The following LCOR variants were observed in gnomAD, a reference collection of about 807,000 sequenced individuals.
LCOR encodes the protein ligand dependent nuclear receptor corepressor, also known as ligand-dependent corepressor.
Under a neutral mutation model 64.4 loss-of-function variants are expected in LCOR, and 14 were observed. The observed-to-expected ratio is 0.22, with a 90% CI of 0.14 to 0.34. The LOEUF is 0.34. Among genes scored for constraint, LCOR ranks in the 10% least tolerant of loss-of-function variants. The pLI, the probability that LCOR is intolerant of heterozygous loss-of-function variation, is 1.00. For missense variants in LCOR, 1,686 were observed against 1,765.3 expected, an observed-to-expected ratio of 0.96 and a Z score of 0.80; for synonymous variants, 643 against 642.5, an observed-to-expected ratio of 1.00 and a Z score of -0.01.
intron 7 of LCOR, among the ~76,000 whole-genome samples, chr10:96,966,297 C>T (rs1847950526): frequency 7.6e-6 from 1 of 132,300 alleles, no homozygotes; most frequent in African/African-American, 2.9e-5. Flanking sequence ...GGCGCGATCT[C>T]GGCTCACTGC....
At chr10:96,879,065 G>C (rs1336045284) in intron 2 of LCOR, among the ~76,000 whole-genome samples, 1 of 152,182 alleles carries the variant, frequency 6.6e-6, no homozygotes, top group East Asian at 1.9e-4. Flanking sequence ...CAAAGTGCTG[G>C]GATTACAGTC....
chr10:96,861,486 C>T (rs1212553623), intron 2 of LCOR, among the ~76,000 whole-genome samples: 1 of 152,134 alleles, frequency 6.6e-6, no homozygotes, highest in Non-Finnish European at 1.5e-5. Context: ...TTTTCCCCCA[C>T]CAATAAGCAG....
intron 2 of LCOR, among the ~76,000 whole-genome samples, chr10:96,905,584 T>C (rs1272985533): frequency 1.3e-5 from 2 of 152,090 alleles, no homozygotes; most frequent in African/African-American, 2.4e-5. Context: ...CTCTTATCAC[T>C]ACCTCCCCAC....
At position 96,984,870 on chromosome 10, in the gene LCOR, C is replaced by T. The variant is rs201441664; in HGVS notation, c.4410C>T (p.Pro1470=). Residue 1470 remains proline (P), a synonymous_variant, in exon 8 of 8, where the codon CCC becomes CCT. Transcript: ENST00000421806. Reference sequence around the variant, plus strand: ...AGTCCGCTGGGAAGAGCTGCCCTCCCTCCAGGAAAGAAAAAGAGAATACAA... The same window carrying T: ...AGTCCGCTGGGAAGAGCTGCCCTCCTTCCAGGAAAGAAAAAGAGAATACAA... ...PKKSAGKSCP[P]SRKEKENTNK... 1 of 1,613,948 alleles carries T rather than the reference C, an allele frequency of 6.2e-7. No homozygotes were observed. Among genetic ancestry groups the T allele is most frequent in the East Asian group, 2.2e-5 (1 of 44,880 alleles).
intron 5 of LCOR, among the ~76,000 whole-genome samples, chr10:96,945,344 T>C (rs1847569360): frequency 6.6e-6 from 1 of 152,196 alleles, no homozygotes; most frequent in African/African-American, 2.4e-5. Context: ...AAAGGCGGTG[T>C]GAAGTGTAGT....
intron 7 of LCOR, chr10:96,955,809 C>A: frequency 6.2e-7 from 1 of 1,614,092 alleles, no homozygotes; most frequent in Non-Finnish European, 8.5e-7. Flanking sequence ...GAAAAACCCT[C>A]CAAAGAAAAA....
At chr10:96,848,100 A>C (rs1286111284) in intron 2 of LCOR, among the ~76,000 whole-genome samples, 2 of 152,248 alleles carry the variant, frequency 1.3e-5, no homozygotes, top group Non-Finnish European at 2.9e-5. Context: ...TACCTAAGTC[A>C]GCCTGTATTT....
chr10:96,832,591 C>A (rs1490410245), intron 1 of LCOR, among the ~76,000 whole-genome samples, 192 bp downstream of exon 1: 1 of 146,716 alleles, frequency 6.8e-6, no homozygotes, highest in Admixed American at 6.7e-5. Flanking sequence ...CCTGCTCGGC[C>A]GAGCGCGCGC....
In LCOR at chr10:96,969,946, A is replaced by ATTTT. The variant is rs751045855; in HGVS notation, c.333-10824_333-10821dup. 5.0e-4 allele frequency among the ~76,000 whole-genome samples: 34 copies of ATTTT among 67,754 alleles called. 1 individual carries two copies. The East Asian group carries it at 5.9e-3, about 12-fold the overall frequency. The allele number at this position is 67,754 out of a possible 152,430, so 44.4% of individuals were successfully genotyped here. A position where few individuals can be genotyped will look rare whatever the true frequency, so the allele number is the denominator to read the frequency against. ...AGGCACCCGCCATCACACCTGGATA[A>ATTTT]TTTTTTTTTTTTTTTTTTTTTTTTT... is the stretch of plus-strand genomic sequence containing the variant. On this transcript the variant is annotated intron_variant, in intron 7 of 7. Coordinates refer to ENST00000421806, the MANE Select transcript of LCOR (RefSeq NM_001346516.2).
chr10:96,886,200 C>G (rs1472498822), intron 2 of LCOR, among the ~76,000 whole-genome samples: 8 of 152,094 alleles, frequency 5.3e-5, no homozygotes, highest in Admixed American at 5.2e-4. Context: ...ATACATCATT[C>G]TAGTCCTTTA....
intron 2 of LCOR, among the ~76,000 whole-genome samples, chr10:96,845,449 C>CTTTTTTTTTTTTTTTTTTT (rs762639752): frequency 2.1e-5 from 1 of 48,686 alleles, no homozygotes; most frequent in Non-Finnish European, 3.7e-5. Flanking sequence ...TGGGCTTATC[C>CTTTTTTTTTTTTTTTTTTT]TTTTTTTTTT....
rs1848212975 is a variant in LCOR, at chr10:96,992,868, T to C, written c.*7734T>C. The C allele has an allele frequency of 2.6e-5, 4 of 152,412 alleles. No homozygotes were observed. The South Asian group carries it at 8.3e-4, about 32-fold the overall frequency. 9.4% of individuals were successfully genotyped at this position (152,412 alleles called of 1,614,324 possible). A position where few individuals can be genotyped will look rare whatever the true frequency, so the allele number is the denominator to read the frequency against. On this transcript the variant is annotated 3_prime_UTR_variant, in exon 8 of 8. Transcript: ENST00000421806. ...TCACACTCTAATTAATCATGGGAGA[T>C]AAGCATGTTACCTTCTGCACCTTGA...
chr10:96,845,449 C>CTT lies in LCOR; in HGVS notation c.-330+12006_-330+12007dup, dbSNP rs762639752. On this transcript the variant is annotated intron_variant, in intron 2 of 7. Transcript: ENST00000421806. ...TTTGCCTCTTATAAATGGGCTTATC[C>CTT]TTTTTTTTTTTTTTTTTTTTTTTTT... 3.1e-3 allele frequency among the ~76,000 whole-genome samples: 153 copies of CTT among 48,684 alleles called. 57 individuals carry two copies. Among genetic ancestry groups the CTT allele is most frequent in the African/African-American group, 5.5e-3 (66 of 11,910 alleles). 31.9% of individuals were successfully genotyped at this position (48,684 alleles called of 152,430 possible).
At chr10:96,966,605 A>G (rs1164491916) in intron 7 of LCOR, among the ~76,000 whole-genome samples, 1 of 152,202 alleles carries the variant, frequency 6.6e-6, no homozygotes, top group Non-Finnish European at 1.5e-5. Context: ...AGCTGAAATG[A>G]GTGAATAATT....
In LCOR at chr10:96,915,176, A is replaced by C. The variant is rs190457005; in HGVS notation, c.-184+7429A>C. Among the ~76,000 whole-genome samples the C allele has an allele frequency of 6.1e-3, 934 of 152,272 alleles. 4 individuals carry two copies. The highest frequency in any genetic ancestry group is 0.027 in the Middle Eastern group (8 of 294). ...ATTAGTGACCTATGCCCCTTCCCCCAAAAACGACAATGAAGTATTCTGTGT... is the reference window on the plus strand; with the variant it reads ...ATTAGTGACCTATGCCCCTTCCCCCCAAAACGACAATGAAGTATTCTGTGT... On this transcript the variant is annotated intron_variant, in intron 4 of 7. Coordinates refer to ENST00000421806, the MANE Select transcript of LCOR (RefSeq NM_001346516.2).
chr10:96,979,199 G>A (rs1030983251), intron 7 of LCOR, among the ~76,000 whole-genome samples: 2 of 152,196 alleles, frequency 1.3e-5, no homozygotes, highest in Non-Finnish European at 2.9e-5. Context: ...TTAGCCAGAA[G>A]ATATTATCAA....
intron 2 of LCOR, among the ~76,000 whole-genome samples, chr10:96,861,837 AGGTGTCTTCTAACTCAAT>A (rs1845892935): frequency 3.3e-5 from 5 of 152,124 alleles, no homozygotes; most frequent in Admixed American, 2.6e-4. Context: ...CAACCAAGGT[AGGTGTCTTCTAACTCAAT>A]TCCAACACTA....
At chr10:96,840,786 CTA>C (rs1412622048) in intron 2 of LCOR, among the ~76,000 whole-genome samples, 1 of 152,202 alleles carries the variant, frequency 6.6e-6, no homozygotes, top group Non-Finnish European at 1.5e-5. Context: ...GTATTAAAAA[CTA>C]TTATAACAAT....
At chr10:96,960,705 G>GA (rs1483082741) in intron 7 of LCOR, 1 of 152,088 alleles carries the variant, frequency 6.6e-6, no homozygotes, top group Non-Finnish European at 1.5e-5. Context: ...CTAAAAACTT[G>GA]ATGGCTTCAG....
Sources: allele counts gnomAD v4.1 joint callset (sites outside exome capture counted in the v4.1 genomes callset), GRCh38; gene constraint gnomAD v4.1.1; transcripts MANE v1.5; gene names NCBI Gene and HGNC (gene_info 2026-07-23, HGNC 2026-07-21).